Variants in CDH13 observed in about 807,000 individuals in gnomAD.
The protein encoded by CDH13 is cadherin 13.
A neutral mutation model predicts 63.8 loss-of-function variants in CDH13; 24 were observed. The ratio of observed to expected loss-of-function variants is 0.38; its 90% CI spans 0.27 to 0.53. The LOEUF (loss-of-function observed/expected upper bound fraction) is 0.53. CDH13 is among the 20% of genes least tolerant of loss of function. CDH13 has a pLI of 0.85. For missense variants in CDH13, 1,049 were observed against 903.1 expected, an observed-to-expected ratio of 1.16 and a Z score of -2.07; for synonymous variants, 503 against 355.3, an observed-to-expected ratio of 1.42 and a Z score of -4.67.
rs577267669 is a variant in CDH13 at position 82,671,997 on chromosome 16, G to C, written c.45+44860G>C. ...TGCCCTGAGACTATCACCTGCTTTGGAAAGAATGGCATCATTTCCAGAATG... is the reference window on the plus strand; with the variant it reads ...TGCCCTGAGACTATCACCTGCTTTGCAAAGAATGGCATCATTTCCAGAATG... On this transcript the variant is annotated intron_variant, in intron 1 of 13. Transcript: ENST00000567109. 3.9e-5 allele frequency among the ~76,000 whole-genome samples: 6 copies of C among 152,222 alleles called. No homozygotes were observed. In the East Asian group the frequency reaches 1.2e-3, roughly 29 times the overall value.
At chr16:83,007,929 G>C (rs1294435288) in intron 2 of CDH13, among the ~76,000 whole-genome samples, 1 of 151,824 alleles carries the variant, frequency 6.6e-6, no homozygotes, top group African/African-American at 2.4e-5. Context: ...ACAACATTAA[G>C]TCAGGTTATA....
intron 2 of CDH13, among the ~76,000 whole-genome samples, chr16:82,906,148 C>G (rs1253381959): frequency 2.0e-5 from 3 of 152,158 alleles, no homozygotes; most frequent in Non-Finnish European, 4.4e-5. Context: ...AAGAGAATCT[C>G]TGACACTATA....
chr16:83,786,680 C>G (rs1040389014), intron 13 of CDH13, among the ~76,000 whole-genome samples: 1 of 152,016 alleles, frequency 6.6e-6, no homozygotes, highest in African/African-American at 2.4e-5. Context: ...CTCCGTCTCC[C>G]GGGTTCAAGT....
At chr16:82,999,718 A>G (rs1320819512) in intron 2 of CDH13, among the ~76,000 whole-genome samples, 1 of 152,202 alleles carries the variant, frequency 6.6e-6, no homozygotes. Flanking sequence ...TTTGCACTAT[A>G]TATTCCGAAG....
chr16:83,228,674 C>T (rs868450118), intron 5 of CDH13, among the ~76,000 whole-genome samples: 1 of 152,134 alleles, frequency 6.6e-6, no homozygotes, highest in Non-Finnish European at 1.5e-5. Flanking sequence ...TTAATGGCAC[C>T]TCCAGCGGAG....
chr16:82,678,656 A>G (rs1050753909), intron 1 of CDH13, among the ~76,000 whole-genome samples: 4 of 152,198 alleles, frequency 2.6e-5, no homozygotes, highest in African/African-American at 4.8e-5. Context: ...AGCTAAGGGT[A>G]TATACCTACT....
chr16:83,614,062 A>G lies in CDH13; in HGVS notation c.1101+11468A>G, dbSNP rs1195077015. The stretch of plus-strand genomic sequence containing the variant: ...AGTCCTTTTCTCCTGGTTTTTGGTC[A>G]TTGGTTATAGTCGCCTGGCATACCT... On this transcript the variant is annotated intron_variant, in intron 8 of 13. Transcript: ENST00000567109. 2.0e-5 allele frequency among the ~76,000 whole-genome samples: 3 copies of G among 152,190 alleles called. No individual in the cohort carries two copies. The East Asian group carries it at 5.8e-4, about 29-fold the overall frequency.
chr16:83,454,996 C>A (rs1432300892), intron 6 of CDH13, among the ~76,000 whole-genome samples: 1 of 152,220 alleles, frequency 6.6e-6, no homozygotes, highest in Admixed American at 6.5e-5. Context: ...AGGCATGAGT[C>A]ACCATGCCCA....
Position 83,449,834 on chromosome 16 carries a change from A to G in CDH13, c.782-36643A>G, listed in dbSNP as rs112416617. On this transcript the variant is annotated intron_variant, in intron 6 of 13. Coordinates refer to ENST00000567109, the MANE Select transcript of CDH13 (RefSeq NM_001257.5). ...TCTGCTGGTTTGTTTTGAAGAGAAA[A>G]TGAGCTAATGCAAGGGAGAGGGAGC... Among the ~76,000 whole-genome samples, 949 of 152,318 alleles carry G rather than the reference A, an allele frequency of 6.2e-3. 7 individuals are homozygous for G. The highest frequency in any genetic ancestry group is 0.022 in the African/African-American group (901 of 41,568).
At chr16:82,669,946 C>G (rs114713066) in intron 1 of CDH13, among the ~76,000 whole-genome samples, 2 of 152,322 alleles carry the variant, frequency 1.3e-5, no homozygotes, top group African/African-American at 4.8e-5. Flanking sequence ...GAATTTCTTG[C>G]AGCCTGTACA....
At chr16:82,881,382 T>C (rs949172090) in intron 2 of CDH13, among the ~76,000 whole-genome samples, 1 of 152,076 alleles carries the variant, frequency 6.6e-6, no homozygotes, top group African/African-American at 2.4e-5. Flanking sequence ...AGTCTGACAG[T>C]CTTATCAAAG....
rs1264559790 is a variant in CDH13, at chr16:82,858,390, T to C, written c.74T>C (p.Leu25Ser). 2 of 1,613,648 alleles carry C rather than the reference T, an allele frequency of 1.2e-6. No homozygotes were observed. Among genetic ancestry groups the C allele is most frequent in the Non-Finnish European group, 1.7e-6 (2 of 1,179,564 alleles). Reference protein sequence around the residue: ...QVLLLTSAEDLDCTPGFQQKV... With the variant: ...QVLLLTSAEDSDCTPGFQQKV... The stretch of plus-strand genomic sequence containing the variant: ...CTGCTGCTAACATCTGCAGAAGATT[T>C]GGACTGCACTCCTGGATTTCAGCAG... The change falls in exon 2 of 14, where the codon TTG (leucine) becomes TCG (serine). Residue 25 changes from leucine (L) to serine (S), a missense_variant. By Grantham distance (145) the Leu-to-Ser change is moderately radical. Coordinates refer to ENST00000567109, the MANE Select transcript of CDH13 (RefSeq NM_001257.5).
chr16:83,549,007 A>G (rs918383391), intron 7 of CDH13, among the ~76,000 whole-genome samples: 31 of 152,198 alleles, frequency 2.0e-4, no homozygotes, highest in African/African-American at 7.5e-4. Context: ...CCTCATCTGC[A>G]TAATTTTCTT....
At chr16:83,451,484 A>T (rs2072885837) in intron 6 of CDH13, among the ~76,000 whole-genome samples, 1 of 152,262 alleles carries the variant, frequency 6.6e-6, no homozygotes, top group East Asian at 1.9e-4. Flanking sequence ...TTGGGTGGGG[A>T]CACAGCCAAA....
At chr16:83,650,915 T>A (rs1430243998) in intron 8 of CDH13, among the ~76,000 whole-genome samples, 2 of 150,868 alleles carry the variant, frequency 1.3e-5, no homozygotes, top group Non-Finnish European at 3.0e-5. Context: ...TCTATAAAAA[T>A]TTTAAATATA....
intron 1 of CDH13, among the ~76,000 whole-genome samples, chr16:82,835,189 T>A (rs2038713956): frequency 1.3e-5 from 2 of 152,208 alleles, no homozygotes; most frequent in Non-Finnish European, 2.9e-5. Context: ...AAATCCAGTG[T>A]GCATTTTGCA....
chr16:82,770,730 C>G (rs935856007), intron 1 of CDH13, among the ~76,000 whole-genome samples: 7 of 152,056 alleles, frequency 4.6e-5, no homozygotes, highest in African/African-American at 1.7e-4. Context: ...TTTCTGGAGA[C>G]AGAGTCTCAG....
intron 2 of CDH13, among the ~76,000 whole-genome samples, chr16:82,960,467 G>A (rs1289075719): frequency 6.6e-6 from 1 of 152,170 alleles, no homozygotes; most frequent in East Asian, 1.9e-4. Flanking sequence ...AGAGTCTGGA[G>A]CCAAGGGGAG....
chr16:83,332,696 A>G (rs878995562), intron 5 of CDH13, among the ~76,000 whole-genome samples: 1 of 152,146 alleles, frequency 6.6e-6, no homozygotes, highest in African/African-American at 2.4e-5. Context: ...ACTTGAACCA[A>G]TTAAAATTTT....
Sources: gnomAD v4.1 joint callset for allele counts (sites outside exome capture counted in the v4.1 genomes callset) on GRCh38, gnomAD v4.1.1 for gene constraint, MANE v1.5 for transcripts, NCBI Gene and HGNC (gene_info 2026-07-23, HGNC 2026-07-21) for gene names.